Variants in FIGN observed in about 807,000 individuals in gnomAD.
The protein encoded by FIGN is fidgetin.
A neutral mutation model predicts 51.3 loss-of-function variants in FIGN; 11 were observed. That is an observed-to-expected ratio of 0.21 (90% CI 0.13 to 0.35). The LOEUF (loss-of-function observed/expected upper bound fraction) is 0.35. Among genes scored for constraint, FIGN ranks in the 10% least tolerant of loss-of-function variants. The pLI is 1.00. For synonymous variants in FIGN, 407 were observed against 363.2 expected, an observed-to-expected ratio of 1.12 and a Z score of -1.37; for missense variants, 857 against 943.6, an observed-to-expected ratio of 0.91 and a Z score of 1.20.
intron 2 of FIGN, among the ~76,000 whole-genome samples, chr2:163,724,712 T>TG (rs1207293566): frequency 6.6e-6 from 1 of 152,160 alleles, no homozygotes; most frequent in Non-Finnish European, 1.5e-5. Context: ...CCATCTTCAA[T>TG]GGATTTTATT....
At chr2:163,692,969 T>C (rs1684260541) in intron 2 of FIGN, among the ~76,000 whole-genome samples, 1 of 152,226 alleles carries the variant, frequency 6.6e-6, no homozygotes, top group South Asian at 2.1e-4. Flanking sequence ...ACTGCAGGTC[T>C]AAAGAGAGTC....
At chr2:163,693,412 C>T (rs1429125107) in intron 2 of FIGN, among the ~76,000 whole-genome samples, 1 of 152,136 alleles carries the variant, frequency 6.6e-6, no homozygotes, top group East Asian at 1.9e-4. Flanking sequence ...CTCACTTTCT[C>T]CAGTGCCTAG....
At chr2:163,666,547 C>G (rs147892544) in intron 2 of FIGN, among the ~76,000 whole-genome samples, 150 of 152,210 alleles carry the variant, frequency 9.9e-4, no homozygotes, top group African/African-American at 3.5e-3. Context: ...TTCAACAAAC[C>G]AAACTCTCTG....
intron 2 of FIGN, among the ~76,000 whole-genome samples, chr2:163,710,022 T>C (rs1419751369): frequency 6.6e-6 from 1 of 152,090 alleles, no homozygotes; most frequent in Non-Finnish European, 1.5e-5. Context: ...TTGACTGAGG[T>C]TGTTTCTGTA....
intron 2 of FIGN, among the ~76,000 whole-genome samples, chr2:163,636,840 AAC>A (rs1315033082): frequency 6.6e-6 from 1 of 152,026 alleles, no homozygotes; most frequent in African/African-American, 2.4e-5. Context: ...AGAAAAATAA[AAC>A]ACTCTTAATT....
rs367824110 is a variant in FIGN at position 163,704,710 on chromosome 2, C to A, written c.25+30193G>T. Among the ~76,000 whole-genome samples, 93 of 143,380 alleles carry A rather than the reference C, an allele frequency of 6.5e-4. 1 individual carries two copies. The highest frequency in any genetic ancestry group is 2.3e-3 in the African/African-American group (90 of 38,862). 94.1% of individuals were successfully genotyped at this position (143,380 alleles called of 152,430 possible). On this transcript the variant is annotated intron_variant, in intron 2 of 2. Transcript: ENST00000333129. ...CACACAGTGCTTAGTAAATGCTCAA[C>A]AAATAGCGGTTACTATTCACCGTTA...
intron 2 of FIGN, among the ~76,000 whole-genome samples, chr2:163,647,639 T>C (rs2105319806): frequency 6.6e-6 from 1 of 152,308 alleles, no homozygotes; most frequent in South Asian, 2.1e-4. Flanking sequence ...TCTGTGTTTT[T>C]CTTCCATAAC....
intron 2 of FIGN, among the ~76,000 whole-genome samples, chr2:163,617,770 C>T (rs906307029): frequency 6.6e-6 from 1 of 152,128 alleles, no homozygotes; most frequent in Non-Finnish European, 1.5e-5. Context: ...GCACATCATA[C>T]TCACTCAGCT....
chr2:163,662,976 C>A (rs191662110), intron 2 of FIGN, among the ~76,000 whole-genome samples: 1 of 152,334 alleles, frequency 6.6e-6, no homozygotes, highest in African/African-American at 2.4e-5. Context: ...CCATGTGGAA[C>A]TGTAAGTCCA....
At position 163,610,823 on chromosome 2, in the gene FIGN, T is replaced by G; in HGVS notation, c.1009A>C (p.Ser337Arg). 1 of 1,574,730 alleles carries G rather than the reference T, an allele frequency of 6.4e-7. No homozygotes were observed. The highest frequency in any genetic ancestry group is 2.3e-5 in the East Asian group (1 of 43,750). ...GDMDSSYGNY[S>R]YGQQRSTQSP... ...TGTGTAGATCTCTGTTGGCCATAGC[T>G]GTAATTTCCATAACTGGAGTCCATA... Residue 337 changes from serine to arginine, a missense_variant, in exon 3 of 3, where the codon AGC becomes CGC. By Grantham distance (110) the Ser-to-Arg change is moderately radical. Transcript: ENST00000333129.
At chr2:163,716,372 T>C (rs1573969022) in intron 2 of FIGN, among the ~76,000 whole-genome samples, 1 of 152,298 alleles carries the variant, frequency 6.6e-6, no homozygotes, top group East Asian at 1.9e-4. Context: ...AAACTGGTCG[T>C]TAAAAAAAAT....
intron 2 of FIGN, among the ~76,000 whole-genome samples, chr2:163,722,245 G>C (rs536544575): frequency 6.6e-6 from 1 of 152,134 alleles, no homozygotes; most frequent in Non-Finnish European, 1.5e-5. Context: ...TTAAGTTATC[G>C]TATCAACTGT....
intron 2 of FIGN, among the ~76,000 whole-genome samples, chr2:163,629,254 C>T (rs1559001518): frequency 1.3e-5 from 2 of 152,128 alleles, no homozygotes; most frequent in Admixed American, 6.6e-5. Flanking sequence ...TTGGAAAAGA[C>T]AAGTGAGGAT....
intron 2 of FIGN, among the ~76,000 whole-genome samples, chr2:163,643,578 G>C (rs1683336004): frequency 6.6e-6 from 1 of 151,452 alleles, no homozygotes. Context: ...TTGAACCTGG[G>C]AGATGGAGTG....
chr2:163,610,659 G>A lies in FIGN; in HGVS notation c.1173C>T (p.Phe391=), dbSNP rs551008049. Residue 391 remains phenylalanine, a synonymous_variant, in exon 3 of 3, where the codon TTC becomes TTT. Transcript: ENST00000333129. ...QLMSSEQQRK[F]SSQSSRALTP... is the part of the protein sequence containing the mutation. ...TCAGAGCCCTACTGGACTGGCTGCT[G>A]AATTTCCTTTGCTGTTCAGAGGACA... 1.2e-6 allele frequency: 2 copies of A among 1,614,212 alleles called. No homozygotes were observed. Among genetic ancestry groups the A allele is most frequent in the African/African-American group, 1.3e-5 (1 of 75,064 alleles).
chr2:163,665,283 G>A (rs1452824253), intron 2 of FIGN, among the ~76,000 whole-genome samples: 1 of 152,266 alleles, frequency 6.6e-6, no homozygotes, highest in Non-Finnish European at 1.5e-5. Flanking sequence ...TGCGGCTTAA[G>A]AGGGAATTAA....
intron 2 of FIGN, among the ~76,000 whole-genome samples, chr2:163,685,695 T>C (rs992863848): frequency 1.3e-5 from 2 of 152,210 alleles, no homozygotes; most frequent in East Asian, 1.9e-4. Flanking sequence ...AGTGGAAGAA[T>C]ACTTTAATTT....
At chr2:163,647,765 C>T (rs1683404975) in intron 2 of FIGN, among the ~76,000 whole-genome samples, 1 of 152,152 alleles carries the variant, frequency 6.6e-6, no homozygotes, top group Admixed American at 6.5e-5. Flanking sequence ...TTTTTGATCG[C>T]TGTCAGCTCT....
At chr2:163,695,422 G>T (rs909618644) in intron 2 of FIGN, among the ~76,000 whole-genome samples, 2 of 152,032 alleles carry the variant, frequency 1.3e-5, no homozygotes, top group Non-Finnish European at 2.9e-5. Flanking sequence ...TCTTATTAGT[G>T]ATGCCCTCGG....
Sources: allele counts gnomAD v4.1 joint callset (sites outside exome capture counted in the v4.1 genomes callset), GRCh38; gene constraint gnomAD v4.1.1; transcripts MANE v1.5; gene names NCBI Gene and HGNC (gene_info 2026-07-23, HGNC 2026-07-21).